Variants in DCC observed in about 807,000 individuals in gnomAD.
The protein encoded by DCC is netrin receptor DCC.
A neutral mutation model predicts 172.5 loss-of-function variants in DCC; 58 were observed. The observed-to-expected ratio is 0.34, with a 90% CI of 0.27 to 0.42. The LOEUF (loss-of-function observed/expected upper bound fraction) is 0.42, where lower values mean the gene tolerates loss of function less well. Ranked by LOEUF, DCC falls within the 10% of genes least tolerant of loss-of-function variation. The pLI is 1.00. For synonymous variants in DCC, 709 were observed against 644.5 expected (o/e 1.10, Z -1.52); for missense variants, 1,740 against 1,791.0 (o/e 0.97, Z 0.51).
intron 5 of DCC, among the ~76,000 whole-genome samples, chr18:52,956,775 G>C (rs953780617): frequency 1.3e-5 from 2 of 152,044 alleles, no homozygotes; most frequent in African/African-American, 4.8e-5. Flanking sequence ...TCTTTCATCA[G>C]ATTTTAACTA....
chr18:53,014,474 G>A (rs1490470635), intron 5 of DCC, among the ~76,000 whole-genome samples: 6 of 118,628 alleles, frequency 5.1e-5, no homozygotes, highest in Non-Finnish European at 9.5e-5. Context: ...GGTGTGTGAT[G>A]TTCCCCTTCC....
At chr18:53,348,456 G>C (rs962242642) in intron 15 of DCC, among the ~76,000 whole-genome samples, 1 of 152,206 alleles carries the variant, frequency 6.6e-6, no homozygotes, top group African/African-American at 2.4e-5. Context: ...CTGGCATTGA[G>C]TGTCTGTGGC....
At position 52,962,764 on chromosome 18, in the gene DCC, A is replaced by T. The variant is rs142621972; in HGVS notation, c.985+37394A>T. Among the ~76,000 whole-genome samples the T allele has an allele frequency of 5.1e-3, 772 of 152,196 alleles. 5 individuals are homozygous for T. The highest frequency in any genetic ancestry group is 0.017 in the African/African-American group (713 of 41,496). On this transcript the variant is annotated intron_variant, in intron 5 of 28. Transcript: ENST00000442544. ...ATGTGGCACATATACACCATGGAAT[A>T]CTATGCAGCCATAAAAAATGATGAG...
At chr18:52,575,088 T>G (rs2033379392) in intron 1 of DCC, among the ~76,000 whole-genome samples, 1 of 152,148 alleles carries the variant, frequency 6.6e-6, no homozygotes, top group African/African-American at 2.4e-5. Flanking sequence ...ATCTGGAATT[T>G]AGCAGCCCAT....
chr18:52,973,383 A>T (rs1258267655), intron 5 of DCC, among the ~76,000 whole-genome samples: 1 of 152,154 alleles, frequency 6.6e-6, no homozygotes, highest in Non-Finnish European at 1.5e-5. Context: ...AAATAATACG[A>T]TGCTCATTTT....
At chr18:53,303,577 C>T (rs2057165118) in intron 12 of DCC, among the ~76,000 whole-genome samples, 1 of 152,164 alleles carries the variant, frequency 6.6e-6, no homozygotes. Context: ...AATTACTTGA[C>T]CCCCCTTGCA....
intron 1 of DCC, among the ~76,000 whole-genome samples, chr18:52,545,544 G>T (rs2032587439): frequency 6.6e-6 from 1 of 152,134 alleles, no homozygotes; most frequent in Admixed American, 6.5e-5. Flanking sequence ...ACCATGAGGG[G>T]GATTGGTCCA....
intron 1 of DCC, among the ~76,000 whole-genome samples, chr18:52,677,435 A>C (rs962798212): frequency 6.6e-6 from 1 of 152,034 alleles, no homozygotes; most frequent in Non-Finnish European, 1.5e-5. Context: ...ACTATAGCAG[A>C]TTCTATGTTT....
Position 53,031,085 on chromosome 18 carries a change from C to G in DCC, c.986-32220C>G, listed in dbSNP as rs540331017. Among the ~76,000 whole-genome samples, 3 of 152,166 alleles carry G rather than the reference C, an allele frequency of 2.0e-5. No individual in the cohort carries two copies. In the East Asian group the frequency reaches 5.8e-4, roughly 29 times the overall value. On this transcript the variant is annotated intron_variant, in intron 5 of 28. Coordinates refer to ENST00000442544, the MANE Select transcript of DCC (RefSeq NM_005215.4). ...ACCAGCCTGGCCGACATGGTGAAAC[C>G]CTATTTCTACTAAAAATACAAAAAT...
At chr18:53,507,475 A>G (rs1340794650) in intron 27 of DCC, among the ~76,000 whole-genome samples, 2 of 152,226 alleles carry the variant, frequency 1.3e-5, no homozygotes, top group Non-Finnish European at 2.9e-5. Context: ...TTATAAACGA[A>G]TTCAGGTGTC....
chr18:53,108,575 A>G (rs779413437), intron 7 of DCC, among the ~76,000 whole-genome samples: 11 of 151,982 alleles, frequency 7.2e-5, no homozygotes, highest in Non-Finnish European at 1.2e-4. Flanking sequence ...GATTGAAAAG[A>G]AAAACCAAAA....
At chr18:52,835,666 T>C (rs1010547586) in intron 2 of DCC, among the ~76,000 whole-genome samples, 2 of 152,234 alleles carry the variant, frequency 1.3e-5, no homozygotes, top group African/African-American at 4.8e-5. Flanking sequence ...ACTCTCAGTT[T>C]GTATAGAGAT....
At chr18:53,449,756 A>G (rs1251640668) in intron 22 of DCC, among the ~76,000 whole-genome samples, 1 of 152,126 alleles carries the variant, frequency 6.6e-6, no homozygotes, top group Non-Finnish European at 1.5e-5. Flanking sequence ...GATATATCTT[A>G]TGCGCCATAA....
chr18:52,524,878 T>C (rs1299972549), intron 1 of DCC, among the ~76,000 whole-genome samples: 2 of 149,646 alleles, frequency 1.3e-5, no homozygotes, highest in African/African-American at 4.9e-5. Flanking sequence ...ATAGGAATTT[T>C]TAGGTTTTTA....
chr18:52,661,723 A>T (rs2035364135), intron 1 of DCC, among the ~76,000 whole-genome samples: 1 of 152,272 alleles, frequency 6.6e-6, no homozygotes, highest in African/African-American at 2.4e-5. Context: ...AATATTGCCA[A>T]ATATTTATAA....
chr18:52,395,597 C>T lies in DCC; in HGVS notation c.91+54719C>T, dbSNP rs138409397. 2.2e-3 allele frequency among the ~76,000 whole-genome samples: 340 copies of T among 152,116 alleles called. 2 individuals carry two copies. The highest frequency in any genetic ancestry group is 3.3e-3 in the Non-Finnish European group (223 of 67,954). Reference sequence around the variant, plus strand: ...TGACACAGTTTTAAAGGTGCAAACTCTCTGTGTGATTCTAAGCAGATATGA... The same window carrying T: ...TGACACAGTTTTAAAGGTGCAAACTTTCTGTGTGATTCTAAGCAGATATGA... On this transcript the variant is annotated intron_variant, in intron 1 of 28. Transcript: ENST00000442544.
At chr18:52,811,763 AATGT>A (rs1283174336) in intron 2 of DCC, among the ~76,000 whole-genome samples, 1 of 152,130 alleles carries the variant, frequency 6.6e-6, no homozygotes, top group African/African-American at 2.4e-5. Context: ...CTTTTTAAAA[AATGT>A]TTTTTGCTTC....
In DCC at chr18:52,353,158, T is replaced by A. The variant is rs920870887; in HGVS notation, c.91+12280T>A. Among the ~76,000 whole-genome samples the A allele has an allele frequency of 2.6e-5, 4 of 152,346 alleles. 1 individual carries two copies. The South Asian group carries it at 6.2e-4, about 24-fold the overall frequency. Reference sequence around the variant, plus strand: ...CAACATCAAAGAGTCTTCTGGTTTGTGGTTTAGCGGCAAATATATTTCATG... The same window carrying A: ...CAACATCAAAGAGTCTTCTGGTTTGAGGTTTAGCGGCAAATATATTTCATG... On this transcript the variant is annotated intron_variant, in intron 1 of 28. Transcript: ENST00000442544.
intron 2 of DCC, among the ~76,000 whole-genome samples, chr18:52,795,148 T>C (rs2037847959): frequency 6.6e-6 from 1 of 152,100 alleles, no homozygotes; most frequent in African/African-American, 2.4e-5. Flanking sequence ...CCTTGTAGAA[T>C]GAGTTAGGAA....
Sources: allele counts gnomAD v4.1 joint callset (sites outside exome capture counted in the v4.1 genomes callset), GRCh38; gene constraint gnomAD v4.1.1; transcripts MANE v1.5; gene names NCBI Gene and HGNC (gene_info 2026-07-23, HGNC 2026-07-21).